The following CCDC33 variants were observed in gnomAD, a reference collection of about 807,000 sequenced individuals.
CCDC33 encodes coiled-coil domain-containing protein 33.
A neutral mutation model predicts 91.9 loss-of-function variants in CCDC33; 94 were observed. The ratio of observed to expected loss-of-function variants is 1.02; its 90% CI spans 0.87 to 1.21. CCDC33 has a LOEUF of 1.21. Among genes scored for constraint, CCDC33 ranks in the 50% most tolerant of loss-of-function variants. The pLI is 0.00. For missense variants in CCDC33, 940 were observed against 935.5 expected (o/e 1.00, Z -0.06); for synonymous variants, 396 against 374.5 (o/e 1.06, Z -0.66).
chr15:74,307,098 G>A (rs1449408432), intron 11 of CCDC33, among the ~76,000 whole-genome samples: 2 of 152,176 alleles, frequency 1.3e-5, no homozygotes, highest in African/African-American at 2.4e-5. Flanking sequence ...ATGGTGGGTG[G>A]GCGAGGCAGG....
chr15:74,256,293 C>T (rs1321967287), intron 2 of CCDC33, among the ~76,000 whole-genome samples: 6 of 152,204 alleles, frequency 3.9e-5, no homozygotes, highest in East Asian at 1.9e-4. Flanking sequence ...GAACACCACA[C>T]GAGTTAAGCA....
At chr15:74,274,732 C>T (rs1027405808) in intron 7 of CCDC33, among the ~76,000 whole-genome samples, 1 of 152,222 alleles carries the variant, frequency 6.6e-6, no homozygotes, top group Non-Finnish European at 1.5e-5. Context: ...TGTGCCCCCT[C>T]CCACCCCCAG....
At chr15:74,227,365 A>T (rs144013426) in intron 2 of CCDC33, among the ~76,000 whole-genome samples, 3 of 152,356 alleles carry the variant, frequency 2.0e-5, no homozygotes, top group African/African-American at 7.2e-5. Flanking sequence ...TCCTCAGCCC[A>T]TGCAGCACTA....
intron 2 of CCDC33, among the ~76,000 whole-genome samples, chr15:74,250,087 C>G (rs373005689): frequency 6.6e-6 from 1 of 152,160 alleles, no homozygotes; most frequent in Non-Finnish European, 1.5e-5. Flanking sequence ...CTCATCCAAT[C>G]CATCACCAAG....
intron 2 of CCDC33, among the ~76,000 whole-genome samples, chr15:74,219,834 G>A (rs2074543048): frequency 1.3e-5 from 2 of 152,170 alleles, no homozygotes; most frequent in Admixed American, 1.3e-4. Flanking sequence ...TCCAGGAGGA[G>A]GGACCATGAT....
At chr15:74,221,123 G>C (rs895856662) in intron 2 of CCDC33, 4 of 819,672 alleles carry the variant, frequency 4.9e-6, no homozygotes, top group Non-Finnish European at 5.9e-6. Flanking sequence ...AGTCCTGACT[G>C]TGATCAGGCA....
chr15:74,221,427 T>C, intron 2 of CCDC33: 1 of 599,390 alleles, frequency 1.7e-6, no homozygotes, highest in Non-Finnish European at 2.1e-6. Context: ...ATTTTGCTTC[T>C]CAGCCACGGC....
upstream of CCDC33, among the ~76,000 whole-genome samples, chr15:74,215,637 T>G (rs919480611): frequency 1.3e-5 from 2 of 152,014 alleles, no homozygotes; most frequent in Non-Finnish European, 2.9e-5. Context: ...GGAGTGGGTG[T>G]GGACATTAGG....
Position 74,244,083 on chromosome 15 carries a change from C to A in CCDC33, c.120C>A (p.Thr40=), listed in dbSNP as rs753882238. The A allele has an allele frequency of 6.2e-7, 1 of 1,614,108 alleles. No homozygotes were observed. Among genetic ancestry groups the A allele is most frequent in the Non-Finnish European group, 8.5e-7 (1 of 1,179,974 alleles). Residue 40 remains threonine (T), a synonymous_variant, in exon 2 of 19, where the codon ACC becomes ACA. Transcript: ENST00000398814. The surrounding 1 kb of genome is among the most constrained non-coding windows in gnomAD (Gnocchi z 4.2). ...SPSKKETIMV[T]LHGATNLPAC... ...CTAAGAAGGAGACCATCATGGTCAC[C>A]CTCCATGGGGCTACCAACCTGCCTG...
At chr15:74,234,141 GCCAGCCCCAGAT>G (rs2075071206), upstream of CCDC33, among the ~76,000 whole-genome samples, 2 of 152,238 alleles carry the variant, frequency 1.3e-5, no homozygotes, top group Admixed American at 1.3e-4. Context: ...TTCCCCAAGA[GCCAGCCCCAGAT>G]CCAGCCTCAG....
At chr15:74,209,298 G>T in intron 1 of CCDC33, 1 of 1,407,194 alleles carries the variant, frequency 7.1e-7, no homozygotes, top group Non-Finnish European at 9.7e-7. Context: ...CCTGCACAGG[G>T]CTTTGATGGC....
At chr15:74,232,379 C>T (rs2075006450), upstream of CCDC33, among the ~76,000 whole-genome samples, 1 of 152,170 alleles carries the variant, frequency 6.6e-6, no homozygotes, top group African/African-American at 2.4e-5. Context: ...GGGCTGGAAC[C>T]TGTGAGAAGC....
intron 7 of CCDC33, among the ~76,000 whole-genome samples, chr15:74,278,377 G>C (rs933145170): frequency 2.0e-5 from 3 of 152,264 alleles, no homozygotes; most frequent in Non-Finnish European, 4.4e-5. Context: ...TGATTCCTGT[G>C]GGGGAGCAGG....
At chr15:74,245,780 G>T (rs553270423) in intron 2 of CCDC33, among the ~76,000 whole-genome samples, 19 of 152,132 alleles carry the variant, frequency 1.2e-4, no homozygotes, top group South Asian at 4.1e-4. Flanking sequence ...CGCGGGGAGG[G>T]GGGAGGGGAA....
chr15:74,281,653 T>G, intron 9 of CCDC33, 125 bp from the exon 10 acceptor site: 1 of 831,664 alleles, frequency 1.2e-6, no homozygotes, highest in Non-Finnish European at 2.0e-6. Context: ...AGCTCCCACC[T>G]CCCTCCCACC....
intron 2 of CCDC33, among the ~76,000 whole-genome samples, chr15:74,245,412 C>A (rs11633101): frequency 3.3e-5 from 5 of 152,082 alleles, no homozygotes; most frequent in African/African-American, 1.2e-4. Flanking sequence ...ACTCCATTTC[C>A]GTGGTGAGGG....
Position 74,333,991 on chromosome 15 carries a change from G to A in CCDC33, c.2025+24G>A, listed in dbSNP as rs200647667. On this transcript the variant is annotated intron_variant, in intron 17 of 18. Transcript: ENST00000398814. ...AGGTGGGTGAGATGCAGGAGTTGAT[G>A]AGGCTGGATCAGGCTCACCACACAG... 9.4e-6 allele frequency: 15 copies of A among 1,603,728 alleles called. No individual in the cohort carries two copies. The East Asian group carries it at 2.9e-4, about 31-fold the overall frequency.
At chr15:74,335,467 A>G (rs2060546479) in intron 18 of CCDC33, 1 of 478,052 alleles carries the variant, frequency 2.1e-6, no homozygotes, top group Non-Finnish European at 3.8e-6. Context: ...CATAGAGCCT[A>G]AGATTCTCAA....
chr15:74,312,938 A>G (rs928410778), intron 11 of CCDC33, among the ~76,000 whole-genome samples: 8 of 152,176 alleles, frequency 5.3e-5, no homozygotes, highest in Admixed American at 5.2e-4. Flanking sequence ...CCTCCAGAGG[A>G]AGCCCCCAGA....
Sources: allele counts gnomAD v4.1 joint callset (sites outside exome capture counted in the v4.1 genomes callset), GRCh38; gene constraint gnomAD v4.1.1; non-coding constraint Gnocchi (gnomAD v3.1); transcripts MANE v1.5; gene names NCBI Gene and HGNC (gene_info 2026-07-23, HGNC 2026-07-21).